KRCC1: variants seen among roughly 807,000 people sequenced by gnomAD.
The protein encoded by KRCC1 is lysine rich coiled-coil 1, also known as lysine-rich coiled-coil protein 1.
In KRCC1, 3 loss-of-function variants were observed where a neutral mutation model predicts 7.4. That is an observed-to-expected ratio of 0.40 (90% CI 0.18 to 1.04). The LOEUF (loss-of-function observed/expected upper bound fraction) is 1.04. Ranked by LOEUF, KRCC1 falls within the 50% of genes least tolerant of loss-of-function variation. The pLI is 0.33. For missense variants in KRCC1, 277 were observed against 300.9 expected, an observed-to-expected ratio of 0.92 and a Z score of 0.59; for synonymous variants, 102 against 101.6, an observed-to-expected ratio of 1.00 and a Z score of -0.02.
chr2:88,045,798 C>T (rs949731340), intron 1 of KRCC1, among the ~76,000 whole-genome samples: 5 of 151,910 alleles, frequency 3.3e-5, no homozygotes, highest in Non-Finnish European at 7.4e-5. Context: ...ATTTTTGTGT[C>T]TAAGCCTCCC....
intron 3 of KRCC1, 59 bp from the exon 4 acceptor site, chr2:88,028,644 CTTT>C (rs35917852): frequency 8.3e-4 from 418 of 502,048 alleles, no homozygotes; most frequent in Middle Eastern, 2.1e-3. Context: ...TTCCTTTGCT[CTTT>C]TTTTTTTTTT....
At chr2:88,034,631 G>A (rs1229400746) in intron 2 of KRCC1, among the ~76,000 whole-genome samples, 1 of 152,036 alleles carries the variant, frequency 6.6e-6, no homozygotes, top group Non-Finnish European at 1.5e-5. Flanking sequence ...TCTTTGCAAC[G>A]TGAACACTTA....
intron 1 of KRCC1, among the ~76,000 whole-genome samples, chr2:88,054,142 G>A (rs939696987): frequency 7.9e-5 from 12 of 152,186 alleles, no homozygotes; most frequent in Non-Finnish European, 1.8e-4. Context: ...AGATGGATAA[G>A]AAATAGCATT....
rs763244137 is a variant in KRCC1 at position 88,027,924 on chromosome 2, G to A, written c.640C>T (p.Leu214Phe). Residue 214 changes from leucine (L) to phenylalanine (F), a missense_variant, in exon 4 of 4, where the codon CTT becomes TTT. By Grantham distance (22) the Leu-to-Phe change is conservative. Transcript: ENST00000347055. Reference sequence around the variant, plus strand: ...CTTTTTTTCTCCTTTCGATTCTTAAGCTTTTCTGTACTGACATGTACGGTT... The same window carrying A: ...CTTTTTTTCTCCTTTCGATTCTTAAACTTTTCTGTACTGACATGTACGGTT... ...IETVHVSTEK[L>F]KNRKEKKSRD... 3.1e-6 allele frequency: 5 copies of A among 1,613,640 alleles called. No individual in the cohort carries two copies. In the Admixed American group the frequency reaches 6.7e-5, roughly 22 times the overall value.
intron 1 of KRCC1, among the ~76,000 whole-genome samples, chr2:88,043,853 T>A (rs1673269736): frequency 6.6e-6 from 1 of 151,988 alleles, no homozygotes; most frequent in African/African-American, 2.4e-5. Context: ...TGTATTTTTT[T>A]AAGTAGAGAT....
At chr2:88,040,083 G>A (rs1170042255) in intron 1 of KRCC1, among the ~76,000 whole-genome samples, 1 of 151,524 alleles carries the variant, frequency 6.6e-6, no homozygotes, top group Non-Finnish European at 1.5e-5. Flanking sequence ...GCTTACTGAG[G>A]ACTAGTTATT....
At chr2:88,042,152 C>T (rs1000563946) in intron 1 of KRCC1, among the ~76,000 whole-genome samples, 1 of 151,738 alleles carries the variant, frequency 6.6e-6, no homozygotes, top group African/African-American at 2.4e-5. Context: ...GCTCCGCCTC[C>T]CAGGTTCACG....
intron 1 of KRCC1, among the ~76,000 whole-genome samples, chr2:88,052,494 C>T (rs549686223): frequency 8.5e-5 from 13 of 152,128 alleles, no homozygotes; most frequent in African/African-American, 2.9e-4. Context: ...CTTGAGGTTT[C>T]ACCCCTTTGG....
intron 1 of KRCC1, 148 bp from the exon 2 acceptor site, chr2:88,037,199 G>C (rs948651218): frequency 1.3e-5 from 2 of 151,992 alleles, no homozygotes; most frequent in Non-Finnish European, 2.9e-5. Flanking sequence ...TTGCTCATTA[G>C]AATAACAATT....
chr2:88,034,481 TTA>T (rs1322351016), intron 2 of KRCC1, among the ~76,000 whole-genome samples, 189 bp from the exon 3 acceptor site: 1 of 152,136 alleles, frequency 6.6e-6, no homozygotes, highest in African/African-American at 2.4e-5. Flanking sequence ...ACAATATATT[TTA>T]TATAGTTTTA....
chr2:88,029,899 G>A (rs1014730481), intron 3 of KRCC1, among the ~76,000 whole-genome samples: 3 of 148,420 alleles, frequency 2.0e-5, no homozygotes, highest in East Asian at 4.0e-4. Flanking sequence ...CCAGGCTGGA[G>A]TTCAATGGCA....
At chr2:88,048,827 A>G (rs1573085586) in intron 1 of KRCC1, among the ~76,000 whole-genome samples, 1 of 152,298 alleles carries the variant, frequency 6.6e-6, no homozygotes, top group African/African-American at 2.4e-5. Flanking sequence ...CACAGCACTA[A>G]ATTTTGGGAG....
At chr2:88,035,159 T>A (rs2104609037) in intron 2 of KRCC1, among the ~76,000 whole-genome samples, 2 of 152,366 alleles carry the variant, frequency 1.3e-5, no homozygotes, top group South Asian at 2.1e-4. Context: ...CTTCAGTAGA[T>A]AATCCTATGA....
intron 1 of KRCC1, among the ~76,000 whole-genome samples, chr2:88,050,009 CTTT>C (rs1249179553): frequency 2.0e-5 from 3 of 152,166 alleles, no homozygotes; most frequent in Non-Finnish European, 4.4e-5. Flanking sequence ...TCCAATTGCT[CTTT>C]ATTTTTCTCC....
Position 88,027,916 on chromosome 2 carries a change from A to T in KRCC1, c.648T>A (p.Asn216Lys). 1 of 1,610,276 alleles carries T rather than the reference A, an allele frequency of 6.2e-7. No homozygotes were observed. The highest frequency in any genetic ancestry group is 2.2e-5 in the East Asian group (1 of 44,786). Residue 216 changes from asparagine to lysine, a missense_variant, in exon 4 of 4, where the codon AAT (asparagine) becomes AAA (lysine). Coordinates refer to ENST00000347055, the MANE Select transcript of KRCC1 (RefSeq NM_016618.3). ...TVHVSTEKLK[N>K]RKEKKSRDVV... The stretch of plus-strand genomic sequence containing the variant: ...CATCTCGGCTTTTTTTCTCCTTTCG[A>T]TTCTTAAGCTTTTCTGTACTGACAT...
At chr2:88,055,032 T>A (rs1183610446) in intron 1 of KRCC1, among the ~76,000 whole-genome samples, 2 of 151,566 alleles carry the variant, frequency 1.3e-5, no homozygotes, top group Non-Finnish European at 1.5e-5. Flanking sequence ...GGCCTATAAA[T>A]CTTAGAAGCT....
chr2:88,028,104 T>C lies in KRCC1; in HGVS notation c.460A>G (p.Lys154Glu), dbSNP rs755336741. 6.2e-7 allele frequency: 1 copy of C among 1,614,190 alleles called. No individual in the cohort carries two copies. Among genetic ancestry groups the C allele is most frequent in the Non-Finnish European group, 8.5e-7 (1 of 1,180,034 alleles). ...CTTTTCCTCTTCTGATGTATCTGTTTGTGACTGGCTTGATGAGTACTGGTA... is the reference window on the plus strand; with the variant it reads ...CTTTTCCTCTTCTGATGTATCTGTTCGTGACTGGCTTGATGAGTACTGGTA... ...NSTSTHQASH[K>E]QIHQKRKRHP... The change falls in exon 4 of 4, where the codon AAA (lysine) becomes GAA (glutamate). Residue 154 changes from lysine to glutamate, a missense_variant. Physicochemically the swap from Lys to Glu is moderately conservative, Grantham distance 56 (BLOSUM62 1). Coordinates refer to ENST00000347055, the MANE Select transcript of KRCC1 (RefSeq NM_016618.3).
At chr2:88,041,403 G>A (rs1023400673) in intron 1 of KRCC1, among the ~76,000 whole-genome samples, 1 of 152,212 alleles carries the variant, frequency 6.6e-6, no homozygotes, top group African/African-American at 2.4e-5. Context: ...TCAAAAAGCA[G>A]TGAATTTGAT....
At chr2:88,032,310 A>G (rs979057908) in intron 3 of KRCC1, among the ~76,000 whole-genome samples, 2 of 152,042 alleles carry the variant, frequency 1.3e-5, no homozygotes, top group Non-Finnish European at 2.9e-5. Context: ...GCCCCACACA[A>G]GTGTACTATT....
Sources: allele counts gnomAD v4.1 joint callset (sites outside exome capture counted in the v4.1 genomes callset), GRCh38; gene constraint gnomAD v4.1.1; transcripts MANE v1.5; gene names NCBI Gene and HGNC (gene_info 2026-07-23, HGNC 2026-07-21).